Variants in CFAP54 observed in about 807,000 individuals in gnomAD.
CFAP54 encodes the protein cilia- and flagella-associated protein 54.
A neutral mutation model predicts 370.4 loss-of-function variants in CFAP54; 290 were observed. The observed-to-expected ratio is 0.78, with a 90% confidence interval of 0.71 to 0.86. The LOEUF is 0.86. Ranked by LOEUF, CFAP54 falls within the 40% of genes least tolerant of loss-of-function variation. The pLI, the probability that CFAP54 is intolerant of heterozygous loss-of-function variation, is 0.00. For missense variants in CFAP54, 3,399 were observed against 3,528.7 expected, an observed-to-expected ratio of 0.96 and a Z score of 0.93; for synonymous variants, 1,206 against 1,236.5, an observed-to-expected ratio of 0.98 and a Z score of 0.52.
At chr12:96,640,818 A>G (rs1261920533) in intron 32 of CFAP54, among the ~76,000 whole-genome samples, 1 of 152,174 alleles carries the variant, frequency 6.6e-6, no homozygotes, top group Non-Finnish European at 1.5e-5. Context: ...AAAAACAAGC[A>G]ATGGGGAAAG....
At chr12:96,750,666 G>T (rs1416688640) in intron 55 of CFAP54, among the ~76,000 whole-genome samples, 1 of 152,134 alleles carries the variant, frequency 6.6e-6, no homozygotes. Context: ...TACAGATTGT[G>T]TTAAATTGTA....
At chr12:96,810,185 CG>C (rs1958917396) in intron 63 of CFAP54, among the ~76,000 whole-genome samples, 1 of 152,040 alleles carries the variant, frequency 6.6e-6, no homozygotes, top group Non-Finnish European at 1.5e-5. Flanking sequence ...CTGAGCTTCT[CG>C]GTGTTCTCAG....
At chr12:96,619,837 T>C (rs1437337907) in intron 26 of CFAP54, among the ~76,000 whole-genome samples, 2 of 152,198 alleles carry the variant, frequency 1.3e-5, no homozygotes. Context: ...TCTGCTCATA[T>C]ACATTTCATA....
chr12:96,710,020 A>G (rs1957593492), intron 48 of CFAP54, among the ~76,000 whole-genome samples: 1 of 152,078 alleles, frequency 6.6e-6, no homozygotes, highest in South Asian at 2.1e-4. Context: ...TGTGGCCAAT[A>G]ATTCTTTTTA....
Position 96,564,533 on chromosome 12 carries a change from G to A in CFAP54, c.2476G>A (p.Gly826Arg). Residue 826 changes from glycine (G) to arginine (R), a missense_variant, in exon 18 of 68, where the codon GGA becomes AGA. By Grantham distance (125) the Gly-to-Arg change is moderately radical (BLOSUM62 -2). Around this residue, in one of 3 missense-constraint regions of CFAP54, gnomAD observed 2,796 missense variants for 2,869.7 expected, o/e 0.97. Transcript: ENST00000524981. ...GGGTCCGGAAAAGTTAAAACAATCT[G>A]GAAGCACTGATTGTTTTACAGGTAA... ...TKGPEKLKQS[G>R]STDCFTELNI... 1.4e-6 allele frequency: 1 copy of A among 697,676 alleles called. No homozygotes were observed. Among genetic ancestry groups the A allele is most frequent in the East Asian group, 2.7e-5 (1 of 37,008 alleles). The allele number at this position is 697,676 out of a possible 1,614,324, so 43.2% of individuals were successfully genotyped here.
At chr12:96,628,589 A>G (rs1189997301) in intron 30 of CFAP54, among the ~76,000 whole-genome samples, 1 of 152,214 alleles carries the variant, frequency 6.6e-6, no homozygotes, top group East Asian at 1.9e-4. Flanking sequence ...ATGGCTCCCC[A>G]AGTCCCTTAT....
At chr12:96,715,194 T>G (rs1957662097) in intron 48 of CFAP54, among the ~76,000 whole-genome samples, 1 of 152,098 alleles carries the variant, frequency 6.6e-6, no homozygotes, top group African/African-American at 2.4e-5. Flanking sequence ...GGAGGGCAGA[T>G]GGACTAGGGA....
chr12:96,816,775 C>T (rs556279404), intron 64 of CFAP54, among the ~76,000 whole-genome samples: 68 of 152,182 alleles, frequency 4.5e-4, no homozygotes, highest in Non-Finnish European at 7.4e-4. Flanking sequence ...TCACTGGGGC[C>T]ATGCAGGTGG....
At chr12:96,546,039 G>C (rs775561377) in intron 14 of CFAP54, among the ~76,000 whole-genome samples, 1 of 152,188 alleles carries the variant, frequency 6.6e-6, no homozygotes, top group African/African-American at 2.4e-5. Flanking sequence ...AAATTAATCA[G>C]ACCCAGGGAG....
chr12:96,658,092 A>G lies in CFAP54; in HGVS notation c.5311A>G (p.Asn1771Asp). The G allele has an allele frequency of 6.2e-7, 1 of 1,612,872 alleles. No individual in the cohort carries two copies. Among genetic ancestry groups the G allele is most frequent in the Non-Finnish European group, 8.5e-7 (1 of 1,179,226 alleles). Reference protein sequence around the residue: ...ETLVSLAIQFNTVSHERYTEQ... With the variant: ...ETLVSLAIQFDTVSHERYTEQ... ...ACTAGTATCTCTTGCCATTCAGTTC[A>G]ATACAGTTTCACAGTAAGTACTGCT... is the stretch of plus-strand genomic sequence containing the variant. The change falls in exon 37 of 68, where the codon AAT becomes GAT. Residue 1771 changes from asparagine to aspartate, a missense_variant. Asn to Asp is a conservative substitution (Grantham distance 23). Coordinates refer to ENST00000524981, the MANE Select transcript of CFAP54 (RefSeq NM_001306084.2).
chr12:96,686,585 G>C (rs1344383411), intron 42 of CFAP54, among the ~76,000 whole-genome samples: 1 of 152,098 alleles, frequency 6.6e-6, no homozygotes, highest in African/African-American at 2.4e-5. Flanking sequence ...TGGCAAGAAT[G>C]GGAGCGAGAA....
chr12:96,539,063 G>GTTT (rs1565889464), intron 13 of CFAP54, among the ~76,000 whole-genome samples: 38 of 102,356 alleles, frequency 3.7e-4, no homozygotes, highest in African/African-American at 1.3e-3. Context: ...GGCCTTTTCA[G>GTTT]GTTTTTTTTT....
chr12:96,614,480 A>T (rs372738378), intron 26 of CFAP54, among the ~76,000 whole-genome samples: 1 of 152,126 alleles, frequency 6.6e-6, no homozygotes, highest in Admixed American at 6.5e-5. Context: ...CTCTCACCAC[A>T]CCTATTCAAC....
intron 63 of CFAP54, among the ~76,000 whole-genome samples, chr12:96,794,189 T>A (rs1016174230): frequency 6.6e-6 from 1 of 152,202 alleles, no homozygotes; most frequent in East Asian, 1.9e-4. Context: ...TCATCTTAAC[T>A]TTAGCTAACC....
intron 30 of CFAP54, among the ~76,000 whole-genome samples, chr12:96,628,728 C>T (rs1956571953): frequency 6.6e-6 from 1 of 152,138 alleles, no homozygotes; most frequent in Non-Finnish European, 1.5e-5. Flanking sequence ...TTAGGATTAT[C>T]TTCATCAAAA....
At chr12:96,784,936 C>T in intron 61 of CFAP54, 46 bp downstream of exon 61, 2 of 1,285,060 alleles carry the variant, frequency 1.6e-6, no homozygotes, top group Non-Finnish European at 2.0e-6. Flanking sequence ...CTTTCTAATT[C>T]CCATTTAAGT....
At chr12:96,605,987 A>G (rs1250296799) in intron 26 of CFAP54, among the ~76,000 whole-genome samples, 10 of 152,212 alleles carry the variant, frequency 6.6e-5, no homozygotes, top group Non-Finnish European at 5.9e-5. Flanking sequence ...AGGTGTACCT[A>G]CCTGTAGGCA....
In CFAP54 at chr12:96,657,232, T is replaced by G. The variant is rs553339675; in HGVS notation, c.5101-650T>G. On this transcript the variant is annotated intron_variant, in intron 36 of 67. Transcript: ENST00000524981. ...AAGAATTTCCAGAGGTATACACAAA[T>G]GTGTCAGGAACTCATAGGACATGCA... 1.2e-4 allele frequency among the ~76,000 whole-genome samples: 19 copies of G among 152,314 alleles called. 1 individual carries two copies. In the South Asian group the frequency reaches 3.9e-3, roughly 32 times the overall value.
intron 39 of CFAP54, among the ~76,000 whole-genome samples, chr12:96,677,349 A>G (rs1228860832): frequency 5.9e-5 from 9 of 152,180 alleles, no homozygotes; most frequent in African/African-American, 2.2e-4. Context: ...CACCCAGTCT[A>G]TGGTAATTTC....
Sources: gnomAD v4.1 joint callset for allele counts (sites outside exome capture counted in the v4.1 genomes callset) on GRCh38, gnomAD v4.1.1 for gene constraint, gnomAD v4.1.1 regional missense constraint, MANE v1.5 for transcripts, NCBI Gene and HGNC (gene_info 2026-07-23, HGNC 2026-07-21) for gene names.